KCNIP4: variants seen among roughly 807,000 people sequenced by gnomAD.
The protein encoded by KCNIP4 is potassium voltage-gated channel interacting protein 4.
A neutral mutation model predicts 34.0 loss-of-function variants in KCNIP4; 12 were observed. The ratio of observed to expected loss-of-function variants is 0.35; its 90% CI spans 0.23 to 0.57. The LOEUF is 0.57. Ranked by LOEUF, KCNIP4 falls within the 20% of genes least tolerant of loss-of-function variation. KCNIP4 has a pLI of 0.83. For missense variants in KCNIP4, 238 were observed against 311.7 expected, an observed-to-expected ratio of 0.76 and a Z score of 1.78; for synonymous variants, 124 against 102.2, an observed-to-expected ratio of 1.21 and a Z score of -1.29.
chr4:21,172,263 C>T (rs780899810), intron 1 of KCNIP4, among the ~76,000 whole-genome samples: 6 of 152,210 alleles, frequency 3.9e-5, no homozygotes, highest in Middle Eastern at 3.4e-3. Flanking sequence ...AACACCTGAC[C>T]TCAAGCAATC....
chr4:20,809,464 G>T (rs1177518430), intron 3 of KCNIP4, among the ~76,000 whole-genome samples: 1 of 152,140 alleles, frequency 6.6e-6, no homozygotes, highest in Non-Finnish European at 1.5e-5. Flanking sequence ...TAATAATGGA[G>T]AATGTCGCAT....
chr4:21,537,791 A>T (rs975628914), intron 1 of KCNIP4, among the ~76,000 whole-genome samples: 2 of 151,966 alleles, frequency 1.3e-5, no homozygotes, highest in Non-Finnish European at 2.9e-5. Context: ...AGGCGGCCGG[A>T]TCACGAGGTC....
intron 1 of KCNIP4, among the ~76,000 whole-genome samples, chr4:21,442,401 C>T (rs1727567290): frequency 6.6e-6 from 1 of 152,198 alleles, no homozygotes; most frequent in Non-Finnish European, 1.5e-5. Flanking sequence ...TACCCTATGG[C>T]TTTCCATAGT....
intron 1 of KCNIP4, among the ~76,000 whole-genome samples, chr4:21,394,653 C>T (rs1722836685): frequency 6.6e-6 from 1 of 152,090 alleles, no homozygotes; most frequent in African/African-American, 2.4e-5. Flanking sequence ...CTGAGAAATA[C>T]ATGATGGAAC....
chr4:21,758,189 A>G (rs1386567985), intron 1 of KCNIP4, among the ~76,000 whole-genome samples: 1 of 152,220 alleles, frequency 6.6e-6, no homozygotes, highest in South Asian at 2.1e-4. Flanking sequence ...TTTGTGTCCT[A>G]TATACTGTTC....
chr4:21,793,731 G>T lies in KCNIP4; in HGVS notation c.61+154840C>A, dbSNP rs954976334. On this transcript the variant is annotated intron_variant, in intron 1 of 8. Transcript: ENST00000382152. ...TCTGCCCATATAAATTGTCTTCCAG[G>T]TCTGGGCCCAATTGCCACTTAAGGA... 4.6e-5 allele frequency among the ~76,000 whole-genome samples: 7 copies of T among 152,048 alleles called. No homozygotes were observed. The East Asian group carries it at 1.4e-3, about 29-fold the overall frequency.
chr4:21,247,415 T>C (rs923914844), intron 1 of KCNIP4, among the ~76,000 whole-genome samples: 1 of 151,492 alleles, frequency 6.6e-6, no homozygotes, highest in Non-Finnish European at 1.5e-5. Context: ...CAATAAAGGG[T>C]TTGAACATTG....
chr4:21,276,805 G>A (rs1027555574), intron 1 of KCNIP4, among the ~76,000 whole-genome samples: 3 of 152,162 alleles, frequency 2.0e-5, no homozygotes, highest in African/African-American at 7.2e-5. Flanking sequence ...GGTGTAAACA[G>A]AGGTCTGCTA....
chr4:20,832,511 T>C (rs900195301), intron 3 of KCNIP4, among the ~76,000 whole-genome samples: 4 of 152,168 alleles, frequency 2.6e-5, no homozygotes, highest in African/African-American at 9.7e-5. Context: ...CCTTTCTCAA[T>C]GTTGTGGAAT....
chr4:21,189,792 C>T (rs1313956597), intron 1 of KCNIP4, among the ~76,000 whole-genome samples: 1 of 152,058 alleles, frequency 6.6e-6, no homozygotes, highest in African/African-American at 2.4e-5. Context: ...TTTCAAATAC[C>T]AAAGGTCTAG....
intron 3 of KCNIP4, among the ~76,000 whole-genome samples, chr4:20,812,976 T>C (rs1715956288): frequency 6.6e-6 from 1 of 152,088 alleles, no homozygotes; most frequent in African/African-American, 2.4e-5. Flanking sequence ...AAAGAATATA[T>C]GTATGTTCTT....
intron 1 of KCNIP4, among the ~76,000 whole-genome samples, chr4:21,390,072 G>T (rs934245561): frequency 6.6e-6 from 1 of 150,670 alleles, no homozygotes; most frequent in African/African-American, 2.4e-5. Flanking sequence ...GCATTTTTTT[G>T]TGTGTCTGTT....
At chr4:21,714,807 T>G (rs936341566) in intron 1 of KCNIP4, among the ~76,000 whole-genome samples, 12 of 240 alleles carry the variant, frequency 0.05, 1 homozygote, top group Non-Finnish European at 0.056. Context: ...TTATTTTATT[T>G]TATTTTATTT....
Position 20,863,668 on chromosome 4 carries a change from G to A in KCNIP4, c.164-13001C>T, listed in dbSNP as rs555775252. Among the ~76,000 whole-genome samples, 4 of 151,896 alleles carry A rather than the reference G, an allele frequency of 2.6e-5. No homozygotes were observed. The East Asian group carries it at 7.7e-4, about 29-fold the overall frequency. ...CTACGCCCAGGAATGAACAAGGACA[G>A]CTTAAAGGCTAGAAGCAAGATGGAG... On this transcript the variant is annotated intron_variant, in intron 2 of 8. Transcript: ENST00000382152.
chr4:20,968,547 A>G (rs1163626659), intron 1 of KCNIP4, among the ~76,000 whole-genome samples: 2 of 152,168 alleles, frequency 1.3e-5, no homozygotes, highest in East Asian at 3.8e-4. Flanking sequence ...TCAATGATAG[A>G]CTGGATTAAG....
At chr4:21,910,803 A>G (rs1728263227) in intron 1 of KCNIP4, among the ~76,000 whole-genome samples, 1 of 152,170 alleles carries the variant, frequency 6.6e-6, no homozygotes, top group Non-Finnish European at 1.5e-5. Context: ...AGTCACACGA[A>G]CTATTATTAA....
intron 1 of KCNIP4, among the ~76,000 whole-genome samples, chr4:21,599,675 T>C (rs1281010427): frequency 3.3e-5 from 5 of 152,138 alleles, no homozygotes; most frequent in African/African-American, 7.2e-5. Flanking sequence ...TGGCTTTTAC[T>C]AGTTCAGATC....
rs765906146 is a variant in KCNIP4, at chr4:21,224,578, GTTTTTTTTTTT to G, written c.62-341880_62-341870del. ...TGGTTCTACTTACAATTTTTCAACT[GTTTTTTTTTTT>G]TTTTTTTTTTTTTTTCAGATGGAGT... On this transcript the variant is annotated intron_variant, in intron 1 of 8. Coordinates refer to ENST00000382152, the MANE Select transcript of KCNIP4 (RefSeq NM_025221.6). 1.1e-4 allele frequency among the ~76,000 whole-genome samples: 5 copies of G among 44,898 alleles called. 1 individual carries two copies. Among genetic ancestry groups the G allele is most frequent in the African/African-American group, 4.0e-4 (4 of 9,924 alleles). The allele number at this position is 44,898 out of a possible 152,430, so 29.5% of individuals were successfully genotyped here.
At chr4:21,832,575 ATTTTTTTTATT>A (rs1723055293) in intron 1 of KCNIP4, among the ~76,000 whole-genome samples, 1 of 36,330 alleles carries the variant, frequency 2.8e-5, no homozygotes, top group African/African-American at 6.5e-5. Flanking sequence ...TTTTGTTTTT[ATTTTTTTTATT>A]TTTTTTTTTA....
Sources: gnomAD v4.1 joint callset for allele counts (sites outside exome capture counted in the v4.1 genomes callset) on GRCh38, gnomAD v4.1.1 for gene constraint, MANE v1.5 for transcripts, NCBI Gene and HGNC (gene_info 2026-07-23, HGNC 2026-07-21) for gene names.